The following GRIP1 variants were observed in gnomAD, a reference collection of about 807,000 sequenced individuals.
GRIP1 encodes the protein glutamate receptor-interacting protein 1.
A neutral mutation model predicts 129.9 loss-of-function variants in GRIP1; 45 were observed. The observed-to-expected ratio is 0.35, with a 90% CI of 0.27 to 0.44. The LOEUF (loss-of-function observed/expected upper bound fraction) is 0.44. Among genes scored for constraint, GRIP1 ranks in the 20% least tolerant of loss-of-function variants. The pLI is 1.00. For synonymous variants in GRIP1, 530 were observed against 520.8 expected (o/e 1.02, Z -0.24); for missense variants, 1,196 against 1,396.8 (o/e 0.86, Z 2.29).
chr12:66,448,346 C>T (rs1683689075), intron 11 of GRIP1, among the ~76,000 whole-genome samples: 1 of 152,178 alleles, frequency 6.6e-6, no homozygotes, highest in African/African-American at 2.4e-5. Flanking sequence ...TAAATCCTTT[C>T]TGGATGACTA....
chr12:66,353,599 G>T (rs1239019325), intron 23 of GRIP1, 36 bp from the exon 24 acceptor site: 1 of 1,602,302 alleles, frequency 6.2e-7, no homozygotes, highest in Admixed American at 1.7e-5. Flanking sequence ...TATTTAGCTG[G>T]GGTGGAGACT....
At chr12:66,574,357 T>C (rs555733082) in intron 2 of GRIP1, among the ~76,000 whole-genome samples, 1 of 152,394 alleles carries the variant, frequency 6.6e-6, no homozygotes, top group African/African-American at 2.4e-5. Context: ...AGGGCACTCC[T>C]CTGCACTCTC....
intron 1 of GRIP1, among the ~76,000 whole-genome samples, chr12:67,047,519 T>C (rs1435562658): frequency 6.6e-6 from 1 of 152,140 alleles, no homozygotes; most frequent in Non-Finnish European, 1.5e-5. Flanking sequence ...GCAAATCTTT[T>C]AAAAAATCAT....
intron 1 of GRIP1, among the ~76,000 whole-genome samples, chr12:67,029,513 A>C (rs1178482857): frequency 7.0e-6 from 1 of 143,154 alleles, no homozygotes; most frequent in Admixed American, 7.3e-5. Flanking sequence ...CAGGATTTTG[A>C]GGTTGCAGTA....
chr12:66,965,071 G>C (rs186281186), intron 1 of GRIP1, among the ~76,000 whole-genome samples: 1 of 152,110 alleles, frequency 6.6e-6, no homozygotes, highest in Non-Finnish European at 1.5e-5. Flanking sequence ...GGTACTGGGG[G>C]TTAGTTTAAC....
chr12:66,907,212 A>C (rs967706394), intron 1 of GRIP1, among the ~76,000 whole-genome samples: 1 of 152,170 alleles, frequency 6.6e-6, no homozygotes, highest in African/African-American at 2.4e-5. Context: ...AGAGAAGTAC[A>C]TTTTTGCTAG....
intron 1 of GRIP1, among the ~76,000 whole-genome samples, chr12:66,836,571 C>A (rs1347557252): frequency 1.4e-5 from 2 of 146,752 alleles, no homozygotes; most frequent in Non-Finnish European, 3.0e-5. Flanking sequence ...AAGTGTGATA[C>A]ATTTTTTCTG....
chr12:66,996,330 T>G (rs1031031074), intron 1 of GRIP1, among the ~76,000 whole-genome samples: 1 of 151,580 alleles, frequency 6.6e-6, no homozygotes, highest in Non-Finnish European at 1.5e-5. Flanking sequence ...ATAAAGCTAT[T>G]AAAAATGCGA....
chr12:66,967,426 GA>G (rs1191371060), intron 1 of GRIP1, among the ~76,000 whole-genome samples: 1 of 152,072 alleles, frequency 6.6e-6, no homozygotes, highest in Non-Finnish European at 1.5e-5. Context: ...ATTATTTTAC[GA>G]AAATAAGCAC....
rs377630345 is a variant in GRIP1 at position 66,785,343 on chromosome 12, C to CATACATATATATATATATATATATATAT, written c.-420+18709_-420+18710insATATATATATATATATATATATATGTAT. ...ACATACATACATACATACATACATA[C>CATACATATATATATATATATATATATAT]ATATATATATATATATATATTAGTT... On this transcript the variant is annotated intron_variant, in intron 1 of 4. Coordinates refer to the GRIP1 transcript ENST00000538373. Among the ~76,000 whole-genome samples, 160 of 72,672 alleles carry CATACATATATATATATATATATATATAT rather than the reference C, an allele frequency of 2.2e-3. 1 individual carries two copies. The highest frequency in any genetic ancestry group is 3.4e-3 in the Non-Finnish European group (123 of 35,962). 47.7% of individuals were successfully genotyped at this position (72,672 alleles called of 152,430 possible). A position where few individuals can be genotyped will look rare whatever the true frequency, so the allele number is the denominator to read the frequency against.
At chr12:66,936,365 G>A (rs903952681) in intron 1 of GRIP1, among the ~76,000 whole-genome samples, 5 of 149,210 alleles carry the variant, frequency 3.4e-5, no homozygotes, top group African/African-American at 1.2e-4. Context: ...GGTAGAGGCT[G>A]CAGTGAGCCA....
chr12:67,003,695 A>T (rs1328976782), intron 1 of GRIP1, among the ~76,000 whole-genome samples: 2 of 152,092 alleles, frequency 1.3e-5, no homozygotes, highest in African/African-American at 4.8e-5. Flanking sequence ...TCCATCTCCA[A>T]ATATAAATGA....
upstream of GRIP1, among the ~76,000 whole-genome samples, chr12:66,682,276 C>T (rs1019602446): frequency 1.3e-5 from 2 of 152,122 alleles, no homozygotes; most frequent in Admixed American, 6.6e-5. Context: ...ACCACCCTGA[C>T]CAGAAGGAAC....
At chr12:66,531,288 T>G (rs1375343164) in intron 4 of GRIP1, among the ~76,000 whole-genome samples, 2 of 54,088 alleles carry the variant, frequency 3.7e-5, no homozygotes, top group Admixed American at 2.3e-4. Flanking sequence ...TATATATATA[T>G]ATATATATAT....
chr12:66,910,709 G>T (rs1398991844), intron 1 of GRIP1, among the ~76,000 whole-genome samples: 3 of 152,116 alleles, frequency 2.0e-5, no homozygotes, highest in Admixed American at 6.5e-5. Flanking sequence ...GAGAATCAAA[G>T]AATTAGAAAT....
intron 1 of GRIP1, among the ~76,000 whole-genome samples, chr12:66,902,104 G>A (rs547195522): frequency 3.9e-5 from 6 of 152,072 alleles, no homozygotes; most frequent in Non-Finnish European, 7.4e-5. Context: ...GCAAAACTGG[G>A]GAACTAGTTC....
intron 1 of GRIP1, among the ~76,000 whole-genome samples, chr12:66,959,292 G>C (rs2041888574): frequency 6.6e-6 from 1 of 151,564 alleles, no homozygotes; most frequent in Admixed American, 6.6e-5. Context: ...TTATAGTTTT[G>C]TTTGGTTTTT....
At chr12:67,037,722 TG>T (rs888191786) in intron 1 of GRIP1, among the ~76,000 whole-genome samples, 7 of 152,200 alleles carry the variant, frequency 4.6e-5, no homozygotes, top group Non-Finnish European at 7.3e-5. Flanking sequence ...CCATTTGTCA[TG>T]GGTTATAACC....
At chr12:66,857,324 T>C (rs1199580356) in intron 1 of GRIP1, among the ~76,000 whole-genome samples, 2 of 152,228 alleles carry the variant, frequency 1.3e-5, no homozygotes, top group African/African-American at 4.8e-5. Context: ...TGTGCACATG[T>C]ACCCTAAAAG....
Sources: allele counts gnomAD v4.1 joint callset (sites outside exome capture counted in the v4.1 genomes callset), GRCh38; gene constraint gnomAD v4.1.1; transcripts MANE v1.5; gene names NCBI Gene and HGNC (gene_info 2026-07-23, HGNC 2026-07-21).